The following GRID2 variants were observed in gnomAD, a reference collection of about 807,000 sequenced individuals.
The protein encoded by GRID2 is glutamate ionotropic receptor delta type subunit 2, also known as glutamate receptor ionotropic, delta-2.
GRID2 carries 33 observed loss-of-function variants against 114.8 expected under a neutral mutation model. That is an observed-to-expected ratio of 0.29 (90% CI 0.22 to 0.38). The LOEUF (loss-of-function observed/expected upper bound fraction) is 0.38. Ranked by LOEUF, GRID2 falls within the 10% of genes least tolerant of loss-of-function variation. GRID2 has a pLI of 1.00. For synonymous variants in GRID2, 505 were observed against 449.9 expected (o/e 1.12, Z -1.55); for missense variants, 1,184 against 1,257.7 (o/e 0.94, Z 0.89).
intron 1 of GRID2, among the ~76,000 whole-genome samples, chr4:92,574,413 A>AT (rs58296126): frequency 0.015 from 1,655 of 112,370 alleles, 11 homozygotes; most frequent in Admixed American, 0.025. Flanking sequence ...GTACTTTAGT[A>AT]TTTTTTTTTT....
intron 2 of GRID2, among the ~76,000 whole-genome samples, chr4:92,711,469 C>T (rs1735246664): frequency 6.6e-6 from 1 of 152,200 alleles, no homozygotes; most frequent in South Asian, 2.1e-4. Context: ...CCAAGAGCTA[C>T]TGTCTGCTTC....
At chr4:93,566,366 G>A (rs1429188791) in intron 13 of GRID2, among the ~76,000 whole-genome samples, 1 of 152,100 alleles carries the variant, frequency 6.6e-6, no homozygotes, top group Admixed American at 6.6e-5. Flanking sequence ...ACTAGGAGCT[G>A]GGGAAGGGAT....
intron 13 of GRID2, among the ~76,000 whole-genome samples, chr4:93,558,393 G>T (rs917573287): frequency 4.6e-5 from 7 of 152,100 alleles, no homozygotes; most frequent in African/African-American, 1.7e-4. Context: ...AATAAAAAAT[G>T]ATAAAGGGGA....
chr4:93,259,517 AT>A (rs1750008476), intron 8 of GRID2, among the ~76,000 whole-genome samples: 2 of 151,858 alleles, frequency 1.3e-5, no homozygotes, highest in South Asian at 4.1e-4. Flanking sequence ...CATGAAATTT[AT>A]ACTGTCAATA....
intron 2 of GRID2, among the ~76,000 whole-genome samples, chr4:92,749,769 A>G (rs1200169671): frequency 6.6e-6 from 1 of 152,160 alleles, no homozygotes; most frequent in African/African-American, 2.4e-5. Flanking sequence ...ACAAACATAC[A>G]GGTAGATGGA....
intron 1 of GRID2, among the ~76,000 whole-genome samples, chr4:92,588,950 C>A (rs901369866): frequency 3.3e-5 from 5 of 151,150 alleles, no homozygotes; most frequent in East Asian, 4.0e-4. Context: ...TAAAAACACA[C>A]AAAAAAATAG....
intron 8 of GRID2, among the ~76,000 whole-genome samples, chr4:93,258,705 A>G (rs1026536782): frequency 2.0e-5 from 3 of 151,858 alleles, no homozygotes; most frequent in Non-Finnish European, 2.9e-5. Flanking sequence ...ATGCAGTGCC[A>G]TAACTAATAT....
At chr4:92,887,645 G>T (rs1746469359) in intron 2 of GRID2, among the ~76,000 whole-genome samples, 1 of 152,156 alleles carries the variant, frequency 6.6e-6, no homozygotes, top group Non-Finnish European at 1.5e-5. Context: ...CAGGTCTACT[G>T]CAAAGTAGAG....
At chr4:93,121,163 T>C (rs992393974) in intron 4 of GRID2, among the ~76,000 whole-genome samples, 1 of 152,118 alleles carries the variant, frequency 6.6e-6, no homozygotes, top group Non-Finnish European at 1.5e-5. Context: ...CATTTTTTTC[T>C]AAAATAAATT....
At chr4:93,429,539 C>G (rs1769197448) in intron 10 of GRID2, among the ~76,000 whole-genome samples, 1 of 152,120 alleles carries the variant, frequency 6.6e-6, no homozygotes. Context: ...TTCCTTCAGC[C>G]TAATTTTACC....
chr4:93,169,105 T>C (rs1738543436), intron 4 of GRID2, among the ~76,000 whole-genome samples: 1 of 151,442 alleles, frequency 6.6e-6, no homozygotes, highest in African/African-American at 2.4e-5. Flanking sequence ...CTGAAAGTTA[T>C]ATTATTCTTC....
chr4:93,435,269 CTAAT>C (rs1232256539), intron 10 of GRID2, among the ~76,000 whole-genome samples: 1 of 152,132 alleles, frequency 6.6e-6, no homozygotes, highest in Non-Finnish European at 1.5e-5. Flanking sequence ...TAACACTCCC[CTAAT>C]TAATAACCAT....
intron 2 of GRID2, among the ~76,000 whole-genome samples, chr4:92,644,166 T>C (rs1282673505): frequency 6.6e-6 from 1 of 151,668 alleles, no homozygotes; most frequent in African/African-American, 2.4e-5. Context: ...TAACATCTTT[T>C]TCATTGAAAA....
At chr4:92,349,760 G>T in intron 1 of GRID2, among the ~76,000 whole-genome samples, 1 of 151,650 alleles carries the variant, frequency 6.6e-6, no homozygotes, top group East Asian at 1.9e-4. Context: ...GGAATAATCT[G>T]CAGGGGAAAA....
intron 2 of GRID2, among the ~76,000 whole-genome samples, chr4:92,899,591 TA>T (rs1747419850): frequency 1.3e-5 from 2 of 151,714 alleles, no homozygotes. Flanking sequence ...AATTGTTTGT[TA>T]TTTTGTTTTA....
At chr4:92,521,135 G>C (rs1185806473) in intron 1 of GRID2, among the ~76,000 whole-genome samples, 1 of 151,660 alleles carries the variant, frequency 6.6e-6, no homozygotes, top group Non-Finnish European at 1.5e-5. Flanking sequence ...AGAAATTCCA[G>C]TTATCACAAA....
At chr4:92,802,660 G>A (rs112218544) in intron 2 of GRID2, among the ~76,000 whole-genome samples, 3 of 152,040 alleles carry the variant, frequency 2.0e-5, no homozygotes, top group African/African-American at 7.2e-5. Flanking sequence ...TAAGGTGCCA[G>A]TATATATTTG....
At chr4:93,733,492 C>T in intron 14 of GRID2, among the ~76,000 whole-genome samples, 1 of 152,078 alleles carries the variant, frequency 6.6e-6, no homozygotes, top group South Asian at 2.1e-4. Context: ...TCCACATTAA[C>T]TTCTTGTTAA....
intron 2 of GRID2, among the ~76,000 whole-genome samples, chr4:92,797,554 T>A (rs1448470092): frequency 6.6e-6 from 1 of 152,032 alleles, no homozygotes; most frequent in African/African-American, 2.4e-5. Flanking sequence ...AAGTTTTAAC[T>A]CTTTCAATAG....
Sources: allele counts gnomAD v4.1 joint callset (sites outside exome capture counted in the v4.1 genomes callset), GRCh38; gene constraint gnomAD v4.1.1; transcripts MANE v1.5; gene names NCBI Gene and HGNC (gene_info 2026-07-23, HGNC 2026-07-21).